Variants in TRHDE observed in about 807,000 individuals in gnomAD.
TRHDE encodes thyrotropin releasing hormone degrading enzyme.
A neutral mutation model predicts 125.7 loss-of-function variants in TRHDE; 72 were observed. That is an observed-to-expected ratio of 0.57 (90% CI 0.47 to 0.70). The LOEUF is 0.70. TRHDE is among the 30% of genes least tolerant of loss of function. TRHDE has a pLI of 0.00. For synonymous variants in TRHDE, 509 were observed against 509.1 expected (o/e 1.00, Z 0.00); for missense variants, 1,110 against 1,327.1 (o/e 0.84, Z 2.54).
intron 5 of TRHDE, among the ~76,000 whole-genome samples, chr12:72,497,127 G>A (rs1356715368): frequency 1.3e-5 from 2 of 151,882 alleles, no homozygotes; most frequent in Non-Finnish European, 2.9e-5. Flanking sequence ...CTCCAACAAG[G>A]TAGACAGATA....
intron 1 of TRHDE, among the ~76,000 whole-genome samples, chr12:72,284,073 A>T (rs559873163): frequency 6.6e-5 from 10 of 152,122 alleles, no homozygotes; most frequent in African/African-American, 2.2e-4. Flanking sequence ...AAACTTTTTG[A>T]GTACTAACAT....
chr12:72,286,202 A>G (rs1218601292), intron 1 of TRHDE, among the ~76,000 whole-genome samples: 1 of 152,224 alleles, frequency 6.6e-6, no homozygotes, highest in Non-Finnish European at 1.5e-5. Flanking sequence ...TTCTGAACAA[A>G]ACCAGGCTGT....
intron 18 of TRHDE, among the ~76,000 whole-genome samples, chr12:72,660,508 T>C (rs1443306292): frequency 6.6e-6 from 1 of 152,168 alleles, no homozygotes; most frequent in Admixed American, 6.5e-5. Flanking sequence ...AAACGGCCCT[T>C]ATGCGGGCAT....
At chr12:72,366,923 T>C (rs186510528) in intron 2 of TRHDE, among the ~76,000 whole-genome samples, 145 of 152,204 alleles carry the variant, frequency 9.5e-4, no homozygotes, top group Non-Finnish European at 1.8e-3. Context: ...GTCTAAGTAA[T>C]CGTTCTCAAA....
chr12:72,619,791 C>T (rs913944510), intron 13 of TRHDE, among the ~76,000 whole-genome samples: 1 of 151,960 alleles, frequency 6.6e-6, no homozygotes, highest in African/African-American at 2.4e-5. Context: ...AAGAGCCTGC[C>T]CTGTGTTTTA....
upstream of TRHDE, among the ~76,000 whole-genome samples, chr12:72,270,675 C>A (rs903542751): frequency 1.3e-5 from 2 of 152,168 alleles, no homozygotes; most frequent in African/African-American, 4.8e-5. Flanking sequence ...AACCCAGAAG[C>A]CAATCACACT....
intron 2 of TRHDE, among the ~76,000 whole-genome samples, chr12:72,190,067 C>T (rs544916730): frequency 8.8e-4 from 134 of 152,300 alleles, no homozygotes; most frequent in East Asian, 5.8e-4. Flanking sequence ...AGTCTGACCA[C>T]GTAAACTTAG....
chr12:72,332,305 A>AT (rs887845970), intron 2 of TRHDE, among the ~76,000 whole-genome samples: 5 of 152,016 alleles, frequency 3.3e-5, no homozygotes, highest in African/African-American at 1.2e-4. Flanking sequence ...TGCCTGGCTA[A>AT]TTTTTTGTAT....
At chr12:72,602,742 G>T (rs1164265943) in intron 12 of TRHDE, among the ~76,000 whole-genome samples, 1 of 152,160 alleles carries the variant, frequency 6.6e-6, no homozygotes, top group African/African-American at 2.4e-5. Flanking sequence ...TCTGAAATGG[G>T]ACTGTGGAGC....
chr12:72,648,011 A>G (rs930155992), intron 15 of TRHDE, among the ~76,000 whole-genome samples: 1 of 152,136 alleles, frequency 6.6e-6, no homozygotes, highest in African/African-American at 2.4e-5. Context: ...ACAGAATACT[A>G]GCAGCCTGAA....
chr12:72,484,524 C>T (rs1294976599), intron 5 of TRHDE, among the ~76,000 whole-genome samples: 2 of 152,026 alleles, frequency 1.3e-5, no homozygotes, highest in African/African-American at 4.8e-5. Flanking sequence ...CCATCATTTC[C>T]CAGCATTTAT....
intron 12 of TRHDE, among the ~76,000 whole-genome samples, chr12:72,576,560 A>G (rs1482989691): frequency 1.3e-5 from 2 of 152,126 alleles, no homozygotes; most frequent in African/African-American, 4.8e-5. Context: ...AAAGTTTGGG[A>G]TCAAATTACA....
intron 1 of TRHDE, among the ~76,000 whole-genome samples, chr12:72,102,780 A>T (rs2139290111): frequency 6.6e-6 from 1 of 152,330 alleles, no homozygotes; most frequent in Middle Eastern, 3.4e-3. Context: ...CCAGTGTATC[A>T]TGAATAGTCG....
chr12:72,361,611 T>C (rs1317963052), intron 2 of TRHDE, among the ~76,000 whole-genome samples: 1 of 151,112 alleles, frequency 6.6e-6, no homozygotes, highest in Non-Finnish European at 1.5e-5. Flanking sequence ...GTGCACAATG[T>C]GCAGGTTAGT....
chr12:72,303,361 G>A (rs928156537), intron 2 of TRHDE: 2 of 152,042 alleles, frequency 1.3e-5, no homozygotes, highest in African/African-American at 4.8e-5. Context: ...CTTTAGGGAT[G>A]GTTTGTGGGT....
intron 2 of TRHDE, among the ~76,000 whole-genome samples, chr12:72,208,065 A>T (rs1326135506): frequency 6.6e-6 from 1 of 152,144 alleles, no homozygotes; most frequent in African/African-American, 2.4e-5. Context: ...CTTGGGCTTT[A>T]CTAGGCCTGT....
rs145218111 is a variant in TRHDE at position 72,286,087 on chromosome 12, A to G, written c.915-594A>G. Among the ~76,000 whole-genome samples, 502 of 152,346 alleles carry G rather than the reference A, an allele frequency of 3.3e-3. 8 individuals carry two copies. Among genetic ancestry groups the G allele is most frequent in the Admixed American group, 0.031 (472 of 15,304 alleles). On this transcript the variant is annotated intron_variant, in intron 1 of 18. Transcript: ENST00000261180. ...TTGATTATTTACTTTTTCAGCAATG[A>G]CCAACTACATCTTAGGAAAGTTTAA...
At chr12:72,209,308 C>T (rs111467591) in intron 2 of TRHDE, among the ~76,000 whole-genome samples, 8 of 152,204 alleles carry the variant, frequency 5.3e-5, no homozygotes, top group Admixed American at 2.0e-4. Flanking sequence ...TATGCACTCC[C>T]GTCCAGATGG....
rs751243542 is a variant in TRHDE at position 72,495,060 on chromosome 12, G to GTTTTTTTTTTTTTTTTTT, written c.1585-4429_1585-4412dup. Reference sequence around the variant, plus strand: ...CATTTCTGTCAATAGTTCCTCCCCCGTTTTTTTTTTTTTTTTTTTTTTTTT... The same window carrying GTTTTTTTTTTTTTTTTTT: ...CATTTCTGTCAATAGTTCCTCCCCCGTTTTTTTTTTTTTTTTTTTTTTTTTTTTTTTTTTTTTTTTTTT... On this transcript the variant is annotated intron_variant, in intron 5 of 18. Transcript: ENST00000261180. Among the ~76,000 whole-genome samples the GTTTTTTTTTTTTTTTTTT allele has an allele frequency of 1.9e-4, 11 of 58,392 alleles. 1 individual carries two copies. The highest frequency in any genetic ancestry group is 2.6e-4 in the Admixed American group (1 of 3,834). The allele number at this position is 58,392 out of a possible 152,430, so 38.3% of individuals were successfully genotyped here.
Sources: gnomAD v4.1 joint callset for allele counts (sites outside exome capture counted in the v4.1 genomes callset) on GRCh38, gnomAD v4.1.1 for gene constraint, MANE v1.5 for transcripts, NCBI Gene and HGNC (gene_info 2026-07-23, HGNC 2026-07-21) for gene names.